The following RMND5A variants were observed in gnomAD, a reference collection of about 807,000 sequenced individuals.
The protein encoded by RMND5A is E3 ubiquitin-protein transferase RMND5A.
Under a neutral mutation model 49.7 loss-of-function variants are expected in RMND5A, and 17 were observed. The ratio of observed to expected loss-of-function variants is 0.34; its 90% CI spans 0.23 to 0.51. RMND5A has a LOEUF of 0.51. RMND5A is among the 20% of genes least tolerant of loss of function. RMND5A has a pLI of 0.96. For synonymous variants in RMND5A, 156 were observed against 167.7 expected (o/e 0.93, Z 0.54); for missense variants, 255 against 471.3 (o/e 0.54, Z 4.25).
chr2:86,770,898 C>G (rs909328663), intron 7 of RMND5A, among the ~76,000 whole-genome samples: 1 of 152,182 alleles, frequency 6.6e-6, no homozygotes, highest in Non-Finnish European at 1.5e-5. Context: ...CTGGAATTGT[C>G]GTTCCTGTCA....
rs1262304321 is a variant in RMND5A, at chr2:86,777,273, T to C, written c.*3862T>C. 1 of 152,238 alleles carries C rather than the reference T, an allele frequency of 6.6e-6. No individual in the cohort carries two copies. Among genetic ancestry groups the C allele is most frequent in the Non-Finnish European group, 1.5e-5 (1 of 68,050 alleles). 9.4% of individuals were successfully genotyped at this position (152,238 alleles called of 1,614,324 possible). A position where few individuals can be genotyped will look rare whatever the true frequency, so the allele number is the denominator to read the frequency against. On this transcript the variant is annotated 3_prime_UTR_variant, in exon 9 of 9. Transcript: ENST00000283632. The stretch of plus-strand genomic sequence containing the variant: ...TATGGGTGAGGACCTACATACACTC[T>C]TACTTTAGCAGTCACTTAACCTTCT...
rs1672571172 is a variant in RMND5A, at chr2:86,765,268, T to C, written c.688+75T>C. The stretch of plus-strand genomic sequence containing the variant: ...CCACTGTAACTTAACAGTTCTTAAC[T>C]AGAGCTAATACCTGTTTGCCAGTAA... On this transcript the variant is annotated intron_variant, in intron 5 of 8. Transcript: ENST00000283632. The C allele has an allele frequency of 4.0e-6, 5 of 1,246,958 alleles. No individual in the cohort carries two copies. The South Asian group carries it at 7.3e-5, about 18-fold the overall frequency. 77.2% of individuals were successfully genotyped at this position (1,246,958 alleles called of 1,614,324 possible).
At chr2:86,754,620 G>A (rs147484074) in intron 4 of RMND5A, among the ~76,000 whole-genome samples, 2,319 of 152,182 alleles carry the variant, frequency 0.015, 74 homozygotes, top group African/African-American at 0.053. Flanking sequence ...AGGCTAGAGT[G>A]CAGTGGCATA....
At chr2:86,758,244 C>T (rs1242627312) in intron 4 of RMND5A, among the ~76,000 whole-genome samples, 3 of 152,202 alleles carry the variant, frequency 2.0e-5, no homozygotes, top group Non-Finnish European at 4.4e-5. Flanking sequence ...AGGCAGCCAC[C>T]ATTAACTGTA....
intron 1 of RMND5A, among the ~76,000 whole-genome samples, chr2:86,736,327 G>T (rs1681400138): frequency 8.6e-6 from 1 of 116,136 alleles, no homozygotes; most frequent in African/African-American, 3.0e-5. Context: ...TGGACTGTGG[G>T]CGTGCACCAC....
chr2:86,770,241 C>T (rs1672666479), intron 7 of RMND5A, 116 bp downstream of exon 7: 1 of 757,142 alleles, frequency 1.3e-6, no homozygotes, highest in South Asian at 1.5e-5. Flanking sequence ...GACAGGAGTT[C>T]TTTTATGGAT....
At chr2:86,768,910 C>G (rs932638489) in intron 6 of RMND5A, among the ~76,000 whole-genome samples, 14 of 152,172 alleles carry the variant, frequency 9.2e-5, no homozygotes, top group African/African-American at 3.4e-4. Flanking sequence ...CAATATAAAA[C>G]CTTTTTTGGC....
At chr2:86,729,287 A>G (rs183797431) in intron 1 of RMND5A, among the ~76,000 whole-genome samples, 4 of 152,178 alleles carry the variant, frequency 2.6e-5, no homozygotes, top group Admixed American at 2.0e-4. Flanking sequence ...TCTGGTGAGT[A>G]CAGACACCAG....
At chr2:86,765,430 A>G (rs1000222729) in intron 5 of RMND5A, 6 of 415,056 alleles carry the variant, frequency 1.4e-5, no homozygotes, top group Admixed American at 4.2e-5. Context: ...GATGTGAGAA[A>G]GAGCAAGGTG....
At chr2:86,751,727 A>G (rs1229648754) in intron 2 of RMND5A, among the ~76,000 whole-genome samples, 169 bp from the exon 3 acceptor site, 1 of 152,228 alleles carries the variant, frequency 6.6e-6, no homozygotes, top group African/African-American at 2.4e-5. Context: ...CTCTTCTAGC[A>G]TGACAAGTTT....
chr2:86,753,222 C>T (rs560205766), intron 3 of RMND5A, among the ~76,000 whole-genome samples: 4 of 152,210 alleles, frequency 2.6e-5, no homozygotes, highest in Non-Finnish European at 4.4e-5. Context: ...CAGAACTTAA[C>T]GTCTTACAAA....
At chr2:86,766,299 T>C (rs1672589844) in intron 6 of RMND5A, among the ~76,000 whole-genome samples, 1 of 152,160 alleles carries the variant, frequency 6.6e-6, no homozygotes. Flanking sequence ...ACTAAACTGC[T>C]AGAGCCTTAG....
chr2:86,753,359 T>C, intron 3 of RMND5A, 99 bp from the exon 4 acceptor site: 1 of 692,994 alleles, frequency 1.4e-6, no homozygotes, highest in Non-Finnish European at 2.5e-6. Flanking sequence ...TTATCTTTAA[T>C]GGCTTGCCCC....
chr2:86,743,148 T>G (rs1158041076), intron 2 of RMND5A, among the ~76,000 whole-genome samples: 2 of 152,168 alleles, frequency 1.3e-5, no homozygotes, highest in African/African-American at 4.8e-5. Flanking sequence ...TTTATAGATA[T>G]TCATAAGGGT....
chr2:86,769,651 C>T (rs761883217), intron 6 of RMND5A, among the ~76,000 whole-genome samples: 4 of 151,440 alleles, frequency 2.6e-5, no homozygotes, highest in Non-Finnish European at 5.9e-5. Context: ...AGGAAGTAAG[C>T]TAAAGTTAAA....
intron 1 of RMND5A, among the ~76,000 whole-genome samples, chr2:86,724,145 A>G (rs915101508): frequency 6.8e-6 from 1 of 146,826 alleles, no homozygotes; most frequent in Non-Finnish European, 1.5e-5. Context: ...GCAGAGAACA[A>G]TAATGGAATA....
At chr2:86,756,932 G>T (rs1573439842) in intron 4 of RMND5A, among the ~76,000 whole-genome samples, 1 of 152,114 alleles carries the variant, frequency 6.6e-6, no homozygotes, top group African/African-American at 2.4e-5. Flanking sequence ...CCAGCACTTT[G>T]GGAGGCCAAG....
chr2:86,769,547 CTTAATTCCTGCTCTTCATTTGAA>C (rs1204799997), intron 6 of RMND5A, among the ~76,000 whole-genome samples: 9 of 152,184 alleles, frequency 5.9e-5, no homozygotes, highest in Non-Finnish European at 1.3e-4. Flanking sequence ...TGTAGTAGTT[CTTAATTCCTGCTCTTCATTTGAA>C]TTAATTGGTT....
At position 86,765,209 on chromosome 2, in the gene RMND5A, G is replaced by T; in HGVS notation, c.688+16G>T. The T allele has an allele frequency of 6.5e-7, 1 of 1,532,328 alleles. No individual in the cohort carries two copies. Among genetic ancestry groups the T allele is most frequent in the Admixed American group, 2.0e-5 (1 of 50,628 alleles). The allele number at this position is 1,532,328 out of a possible 1,614,324, so 94.9% of individuals were successfully genotyped here. A position where few individuals can be genotyped will look rare whatever the true frequency, so the allele number is the denominator to read the frequency against. ...CATCAAAAAGGTGAGTCTAGAGTCA[G>T]ATGTTATTAATGTTTGAAACAGGGC... On this transcript the variant is annotated intron_variant, in intron 5 of 8. Coordinates refer to ENST00000283632, the MANE Select transcript of RMND5A (RefSeq NM_022780.4).
Sources: allele counts gnomAD v4.1 joint callset (sites outside exome capture counted in the v4.1 genomes callset), GRCh38; gene constraint gnomAD v4.1.1; transcripts MANE v1.5; gene names NCBI Gene and HGNC (gene_info 2026-07-23, HGNC 2026-07-21).